Variants in RALGPS2 observed in about 807,000 individuals in gnomAD.
RALGPS2 encodes ras-specific guanine nucleotide-releasing factor RalGPS2.
RALGPS2 carries 43 observed loss-of-function variants against 86.8 expected under a neutral mutation model. The ratio of observed to expected loss-of-function variants is 0.50; its 90% CI spans 0.39 to 0.64. The LOEUF is 0.64. Ranked by LOEUF, RALGPS2 falls within the 30% of genes least tolerant of loss-of-function variation. The pLI is 0.00. For missense variants in RALGPS2, 536 were observed against 694.6 expected, an observed-to-expected ratio of 0.77 and a Z score of 2.57; for synonymous variants, 243 against 231.3, an observed-to-expected ratio of 1.05 and a Z score of -0.46.
At chr1:178,762,206 G>GTAGT (rs1652278003) in intron 1 of RALGPS2, among the ~76,000 whole-genome samples, 1 of 152,144 alleles carries the variant, frequency 6.6e-6, no homozygotes, top group Admixed American at 6.5e-5. Flanking sequence ...TTATGGCTGT[G>GTAGT]TAGTATTCCA....
intron 1 of RALGPS2, among the ~76,000 whole-genome samples, chr1:178,739,498 T>C (rs1203156747): frequency 1.3e-5 from 2 of 152,190 alleles, no homozygotes; most frequent in Non-Finnish European, 2.9e-5. Flanking sequence ...ACATACTGAT[T>C]GTTGAAACAG....
intron 8 of RALGPS2, among the ~76,000 whole-genome samples, chr1:178,870,543 A>T (rs561525363): frequency 1.3e-5 from 2 of 152,306 alleles, no homozygotes; most frequent in South Asian, 2.1e-4. Context: ...ATTGAACCTC[A>T]AATAATGCAT....
Position 178,920,507 on chromosome 1 carries a change from A to G in RALGPS2, c.*4148A>G, listed in dbSNP as rs974380957. 10 of 151,968 alleles carry G rather than the reference A, an allele frequency of 6.6e-5. No homozygotes were observed. Among genetic ancestry groups the G allele is most frequent in the African/African-American group, 1.4e-4 (6 of 41,428 alleles). 9.4% of individuals were successfully genotyped at this position (151,968 alleles called of 1,614,324 possible). ...AATCTTTCTCACCCCAAGTCTAACA[A>G]AGTCTTTACAGAAACCTCTGTAGGT... On this transcript the variant is annotated 3_prime_UTR_variant, in exon 20 of 20. Coordinates refer to ENST00000367635, the MANE Select transcript of RALGPS2 (RefSeq NM_152663.5).
At chr1:178,770,085 C>T (rs1176763314) in intron 1 of RALGPS2, among the ~76,000 whole-genome samples, 2 of 147,548 alleles carry the variant, frequency 1.4e-5, no homozygotes, top group Non-Finnish European at 3.0e-5. Flanking sequence ...GGCATGATCA[C>T]GGCTCACTGC....
Position 178,917,584 on chromosome 1 carries a change from C to G in RALGPS2, c.*1225C>G, listed in dbSNP as rs1158422976. ...ACTTGTATGATTTACCATAAACATA[C>G]CAAAACATTTTTCTGAAAATTTACT... On this transcript the variant is annotated 3_prime_UTR_variant, in exon 20 of 20. Coordinates refer to ENST00000367635, the MANE Select transcript of RALGPS2 (RefSeq NM_152663.5). The G allele has an allele frequency of 6.6e-6, 1 of 151,942 alleles. No individual in the cohort carries two copies. The highest frequency in any genetic ancestry group is 1.5e-5 in the Non-Finnish European group (1 of 67,960). The allele number at this position is 151,942 out of a possible 1,614,324, so 9.4% of individuals were successfully genotyped here.
intron 8 of RALGPS2, among the ~76,000 whole-genome samples, chr1:178,838,014 T>C (rs1572384568): frequency 6.6e-6 from 1 of 152,068 alleles, no homozygotes; most frequent in East Asian, 1.9e-4. Context: ...CTTGAGTAGG[T>C]AAACAAAGCG....
intron 2 of RALGPS2, among the ~76,000 whole-genome samples, chr1:178,784,029 T>C: frequency 6.6e-6 from 1 of 152,298 alleles, no homozygotes; most frequent in Non-Finnish European, 1.5e-5. Context: ...TAAAGCTAGT[T>C]TGTCTTTTTC....
chr1:178,848,664 G>A (rs2102283802), intron 8 of RALGPS2, among the ~76,000 whole-genome samples: 1 of 152,244 alleles, frequency 6.6e-6, no homozygotes. Flanking sequence ...ATATTGTTTT[G>A]TTTTTTGAGA....
At chr1:178,825,256 G>C (rs1393487724) in intron 7 of RALGPS2, among the ~76,000 whole-genome samples, 1 of 152,120 alleles carries the variant, frequency 6.6e-6, no homozygotes, top group South Asian at 2.1e-4. Context: ...TGTACCAGAA[G>C]GGTTAAGGGT....
intron 1 of RALGPS2, among the ~76,000 whole-genome samples, chr1:178,726,653 A>AT (rs886268843): frequency 6.6e-6 from 1 of 151,738 alleles, no homozygotes; most frequent in African/African-American, 2.4e-5. Flanking sequence ...TGCTCCCTGG[A>AT]TTTTTTTTCC....
At chr1:178,800,928 C>CT (rs200726651) in intron 4 of RALGPS2, among the ~76,000 whole-genome samples, 2,627 of 142,456 alleles carry the variant, frequency 0.018, 50 homozygotes, top group African/African-American at 0.044. Flanking sequence ...TATTCCCAAT[C>CT]TTTTTTTTTT....
At chr1:178,816,794 T>C (rs676942) in intron 6 of RALGPS2, among the ~76,000 whole-genome samples, 115,852 of 150,662 alleles carry the variant, frequency 0.77, 44,716 homozygotes, top group African/African-American at 0.85. Flanking sequence ...TTGCAACCTC[T>C]GCCTCCTAGG....
rs928561618 is a variant in RALGPS2 at position 178,920,619 on chromosome 1, A to G, written c.*4260A>G. 3 of 152,032 alleles carry G rather than the reference A, an allele frequency of 2.0e-5. No individual in the cohort carries two copies. The highest frequency in any genetic ancestry group is 4.4e-5 in the Non-Finnish European group (3 of 67,920). 9.4% of individuals were successfully genotyped at this position (152,032 alleles called of 1,614,324 possible). On this transcript the variant is annotated 3_prime_UTR_variant, in exon 20 of 20. Coordinates refer to ENST00000367635, the MANE Select transcript of RALGPS2 (RefSeq NM_152663.5). ...CCTTTTAGAGTAGGAGATTAAAAAT[A>G]AACCCACCCCAGTCAACCTTTAGAT...
intron 3 of RALGPS2, among the ~76,000 whole-genome samples, chr1:178,784,824 A>G (rs1572329563): frequency 1.3e-5 from 2 of 152,162 alleles, no homozygotes; most frequent in African/African-American, 4.8e-5. Flanking sequence ...AGCCAACTGT[A>G]TTTTGTTGAC....
chr1:178,907,439 G>T (rs1181920667), intron 19 of RALGPS2, among the ~76,000 whole-genome samples: 2 of 152,160 alleles, frequency 1.3e-5, no homozygotes, highest in African/African-American at 2.4e-5. Context: ...GGTTTCTGTG[G>T]TGGTAGTGAA....
chr1:178,897,592 G>T, intron 16 of RALGPS2, 72 bp from the exon 17 acceptor site: 1 of 1,233,510 alleles, frequency 8.1e-7, no homozygotes, highest in Non-Finnish European at 1.2e-6. Flanking sequence ...TTGATCATTG[G>T]CACTTAGAAT....
rs1348121213 is a variant in RALGPS2 at position 178,917,844 on chromosome 1, G to A, written c.*1485G>A. On this transcript the variant is annotated 3_prime_UTR_variant, in exon 20 of 20. Coordinates refer to ENST00000367635, the MANE Select transcript of RALGPS2 (RefSeq NM_152663.5). ...AATTTTAGCAGTGGCCTAGAGTAAG[G>A]TAATGCTTTGTGACTGATATCTACT... 1 of 152,130 alleles carries A rather than the reference G, an allele frequency of 6.6e-6. No homozygotes were observed. The highest frequency in any genetic ancestry group is 1.5e-5 in the Non-Finnish European group (1 of 67,978). 9.4% of individuals were successfully genotyped at this position (152,130 alleles called of 1,614,324 possible).
intron 7 of RALGPS2, among the ~76,000 whole-genome samples, chr1:178,830,640 A>G (rs755257544): frequency 9.2e-5 from 14 of 152,202 alleles, no homozygotes; most frequent in Non-Finnish European, 1.5e-4. Flanking sequence ...GGAAAAATAT[A>G]TGTGAATATC....
rs113074519 is a variant in RALGPS2, at chr1:178,806,257, T to G, written c.214-1788T>G. Among the ~76,000 whole-genome samples the G allele has an allele frequency of 1.3e-3, 194 of 152,286 alleles. 2 individuals are homozygous for G. The highest frequency in any genetic ancestry group is 4.3e-3 in the African/African-American group (178 of 41,584). On this transcript the variant is annotated intron_variant, in intron 4 of 19. Coordinates refer to ENST00000367635, the MANE Select transcript of RALGPS2 (RefSeq NM_152663.5). ...TGTCTGAAAATGTCTGTAGTCTACT[T>G]TCAGACTTCATTGATATTTGTGTTG...
Sources: gnomAD v4.1 joint callset for allele counts (sites outside exome capture counted in the v4.1 genomes callset) on GRCh38, gnomAD v4.1.1 for gene constraint, MANE v1.5 for transcripts, NCBI Gene and HGNC (gene_info 2026-07-23, HGNC 2026-07-21) for gene names.